Variants in TRPC5 observed in about 807,000 individuals in gnomAD.
TRPC5 encodes transient receptor potential cation channel subfamily C member 5.
A neutral mutation model predicts 56.5 loss-of-function variants in TRPC5; 9 were observed. The ratio of observed to expected loss-of-function variants is 0.16; its 90% CI spans 0.10 to 0.28. The LOEUF (loss-of-function observed/expected upper bound fraction) is 0.28, where lower values mean the gene tolerates loss of function less well. TRPC5 is among the 10% of genes least tolerant of loss of function. TRPC5 has a pLI of 1.00. For synonymous variants in TRPC5, 282 were observed against 278.5 expected (o/e 1.01, Z -0.13); for missense variants, 469 against 748.9 (o/e 0.63, Z 4.36).
At chrX:111,911,049 C>T (rs1264307311) in intron 3 of TRPC5, among the ~76,000 whole-genome samples, 1 of 112,700 alleles carries the variant, frequency 8.9e-6, no homozygotes, top group African/African-American at 3.2e-5. Flanking sequence ...TTTCGATCTC[C>T]ATGTTGCTCT....
intron 1 of TRPC5, among the ~76,000 whole-genome samples, chrX:111,990,163 A>G (rs1231814279): frequency 5.3e-5 from 6 of 112,340 alleles, no homozygotes; most frequent in Admixed American, 4.7e-4. Context: ...CATGCCTCTA[A>G]TCCCAGCACT....
intron 7 of TRPC5, among the ~76,000 whole-genome samples, chrX:111,795,844 G>A (rs1921071421): frequency 9.0e-6 from 1 of 110,687 alleles, no homozygotes; most frequent in Admixed American, 9.6e-5. Flanking sequence ...TTATGTATAT[G>A]TTGGTACATC....
intron 7 of TRPC5, among the ~76,000 whole-genome samples, chrX:111,825,791 G>T (rs760678253): frequency 9.0e-6 from 1 of 111,720 alleles, no homozygotes; most frequent in East Asian, 2.8e-4. Context: ...AAAAGCTGGG[G>T]CCAAGTAGGG....
At chrX:111,854,516 GGA>G (rs1923170179) in intron 3 of TRPC5, among the ~76,000 whole-genome samples, 1 of 111,312 alleles carries the variant, frequency 9.0e-6, no homozygotes, top group African/African-American at 3.3e-5. Context: ...TGTGGATGGA[GGA>G]GAGAGTAGAG....
At chrX:111,887,335 C>G (rs761459396) in intron 3 of TRPC5, among the ~76,000 whole-genome samples, 1 of 112,132 alleles carries the variant, frequency 8.9e-6, no homozygotes, top group South Asian at 3.8e-4. Flanking sequence ...ATCATTTTCT[C>G]TCATATTCAC....
intron 2 of TRPC5, among the ~76,000 whole-genome samples, chrX:111,915,814 G>C (rs996817969): frequency 9.0e-6 from 1 of 110,959 alleles, no homozygotes; most frequent in Non-Finnish European, 1.9e-5. Flanking sequence ...TTAAGGAATT[G>C]ACTCTCTTGG....
At chrX:111,863,247 T>C (rs1449516184) in intron 3 of TRPC5, among the ~76,000 whole-genome samples, 1 of 112,031 alleles carries the variant, frequency 8.9e-6, no homozygotes, top group Non-Finnish European at 1.9e-5. Context: ...CCATATTACA[T>C]GGACTCAGGT....
intron 1 of TRPC5, among the ~76,000 whole-genome samples, chrX:112,016,050 G>GA (rs753200524): frequency 8.1e-5 from 9 of 111,087 alleles, no homozygotes; most frequent in Non-Finnish European, 1.7e-4. Flanking sequence ...AGCAGACCAG[G>GA]AAAAAAAATC....
At chrX:111,994,603 T>C (rs909233289) in intron 1 of TRPC5, among the ~76,000 whole-genome samples, 4 of 111,634 alleles carry the variant, frequency 3.6e-5, no homozygotes, top group Non-Finnish European at 7.5e-5. Flanking sequence ...TAGTTCTCCT[T>C]GAAGAGGTCC....
At chrX:111,951,830 T>C (rs140132220) in intron 2 of TRPC5, among the ~76,000 whole-genome samples, 397 of 111,652 alleles carry the variant, frequency 3.6e-3, no homozygotes, top group South Asian at 0.016. Flanking sequence ...GTACTGAATG[T>C]ATATGGGCAA....
chrX:111,894,081 GA>G (rs1009033752), intron 3 of TRPC5, among the ~76,000 whole-genome samples: 1 of 111,160 alleles, frequency 9.0e-6, no homozygotes, highest in Non-Finnish European at 1.9e-5. Context: ...GAACACTATG[GA>G]AAAAAATTTT....
chrX:111,847,457 A>C (rs1922964552), intron 5 of TRPC5, 21 bp from the exon 6 acceptor site: 1 of 1,173,358 alleles, frequency 8.5e-7, no homozygotes, highest in Non-Finnish European at 1.2e-6. Flanking sequence ...CAACAAGTGC[A>C]CAAGATGAGG....
intron 7 of TRPC5, among the ~76,000 whole-genome samples, chrX:111,833,245 G>T (rs1459648298): frequency 9.0e-6 from 1 of 111,503 alleles, no homozygotes; most frequent in Admixed American, 9.6e-5. Context: ...AGCCTATCTT[G>T]TTAATCTGTA....
intron 3 of TRPC5, chrX:111,881,937 T>C (rs1329352392): frequency 5.4e-5 from 6 of 111,152 alleles, no homozygotes; most frequent in Non-Finnish European, 1.1e-4. Context: ...AATTCAGGGG[T>C]TGCTTCCCGT....
chrX:111,890,997 C>G (rs1924777919), intron 3 of TRPC5, among the ~76,000 whole-genome samples: 1 of 111,534 alleles, frequency 9.0e-6, no homozygotes, highest in Admixed American at 9.5e-5. Flanking sequence ...TGTTAGTTTG[C>G]TAAGGATAAT....
chrX:112,001,180 G>T (rs547601869), intron 1 of TRPC5, among the ~76,000 whole-genome samples: 1 of 111,772 alleles, frequency 8.9e-6, no homozygotes, highest in East Asian at 2.8e-4. Flanking sequence ...GTCCAGCTTT[G>T]CTCCTGTTGT....
intron 1 of TRPC5, among the ~76,000 whole-genome samples, chrX:112,059,140 T>TA (rs1011606486): frequency 6.3e-5 from 7 of 111,953 alleles, no homozygotes; most frequent in Non-Finnish European, 1.1e-4. Context: ...TGTTAAATCT[T>TA]AACTAGCTTC....
intron 5 of TRPC5, 35 bp from the exon 6 acceptor site, chrX:111,847,471 A>G (rs755529842): frequency 3.5e-6 from 4 of 1,138,509 alleles, no homozygotes; most frequent in Non-Finnish European, 3.5e-6. Flanking sequence ...GATGAGGGGT[A>G]CAGTGAACAT....
At chrX:112,068,461 TG>T (rs1362452064) in intron 1 of TRPC5, among the ~76,000 whole-genome samples, 9 of 112,126 alleles carry the variant, frequency 8.0e-5, no homozygotes, top group African/African-American at 2.6e-4. Flanking sequence ...TGGGTGATTG[TG>T]GGGAGAAGAA....
Sources: gnomAD v4.1 joint callset for allele counts (sites outside exome capture counted in the v4.1 genomes callset) on GRCh38, gnomAD v4.1.1 for gene constraint, MANE v1.5 for transcripts, NCBI Gene and HGNC (gene_info 2026-07-23, HGNC 2026-07-21) for gene names.